Variants in FHIT observed in about 807,000 individuals in gnomAD.
FHIT encodes the protein fragile histidine triad diadenosine triphosphatase.
FHIT carries 19 observed loss-of-function variants against 17.9 expected under a neutral mutation model. That is an observed-to-expected ratio of 1.06 (90% CI 0.74 to 1.56). The LOEUF is 1.56. FHIT is among the 40% of genes most tolerant of loss of function. The pLI, the probability that FHIT is intolerant of heterozygous loss-of-function variation, is 0.00. For missense variants in FHIT, 248 were observed against 189.2 expected (o/e 1.31, Z -1.82); for synonymous variants, 81 against 69.7 (o/e 1.16, Z -0.81).
At chr3:60,494,305 A>G (rs2034198666) in intron 5 of FHIT, among the ~76,000 whole-genome samples, 1 of 152,176 alleles carries the variant, frequency 6.6e-6, no homozygotes, top group Non-Finnish European at 1.5e-5. Context: ...ATCACATAAT[A>G]TGCGACTTTT....
chr3:60,454,675 C>T (rs919488519), intron 5 of FHIT, among the ~76,000 whole-genome samples: 4 of 152,124 alleles, frequency 2.6e-5, no homozygotes, highest in Admixed American at 6.5e-5. Flanking sequence ...TGAGCCACCA[C>T]GCTCAGCCTT....
At chr3:60,569,079 G>A (rs890527117) in intron 4 of FHIT, among the ~76,000 whole-genome samples, 8 of 151,136 alleles carry the variant, frequency 5.3e-5, no homozygotes, top group African/African-American at 1.5e-4. Flanking sequence ...GCCTGTCTGT[G>A]GCTGAAACCC....
At chr3:60,328,000 G>A (rs1709781947) in intron 5 of FHIT, among the ~76,000 whole-genome samples, 2 of 152,170 alleles carry the variant, frequency 1.3e-5, no homozygotes, top group Admixed American at 1.3e-4. Flanking sequence ...AAAACATGGA[G>A]GAAGGACTAT....
intron 4 of FHIT, among the ~76,000 whole-genome samples, chr3:60,649,319 G>C (rs541552264): frequency 3.4e-4 from 52 of 152,246 alleles, no homozygotes; most frequent in Admixed American, 2.2e-3. Context: ...AGGCTGAGGC[G>C]TTAACCTGGG....
intron 3 of FHIT, among the ~76,000 whole-genome samples, chr3:60,831,793 G>A (rs1702339014): frequency 6.6e-6 from 1 of 152,028 alleles, no homozygotes; most frequent in Non-Finnish European, 1.5e-5. Context: ...ATTCAAACAC[G>A]ATTTTTTTGG....
chr3:60,234,417 T>A (rs1704662135), intron 5 of FHIT, among the ~76,000 whole-genome samples: 1 of 152,200 alleles, frequency 6.6e-6, no homozygotes, highest in Non-Finnish European at 1.5e-5. Flanking sequence ...ATTCAATATA[T>A]CCATACACAA....
At chr3:60,800,486 C>G (rs998389385) in intron 4 of FHIT, among the ~76,000 whole-genome samples, 1 of 152,086 alleles carries the variant, frequency 6.6e-6, no homozygotes, top group Non-Finnish European at 1.5e-5. Flanking sequence ...GAAAGCAGAC[C>G]CTAAACAAAG....
At chr3:61,100,883 C>A (rs1006436249) in intron 2 of FHIT, among the ~76,000 whole-genome samples, 6 of 152,298 alleles carry the variant, frequency 3.9e-5, no homozygotes, top group East Asian at 1.9e-4. Context: ...TGTTCATATC[C>A]TTTGCCCACT....
At chr3:61,238,642 T>C (rs2040291612) in intron 1 of FHIT, among the ~76,000 whole-genome samples, 1 of 152,250 alleles carries the variant, frequency 6.6e-6, no homozygotes, top group Admixed American at 6.5e-5. Flanking sequence ...ATTTTTCCTC[T>C]TTACAGCCAG....
At chr3:61,173,730 G>T (rs1280933222) in intron 2 of FHIT, among the ~76,000 whole-genome samples, 1 of 152,166 alleles carries the variant, frequency 6.6e-6, no homozygotes, top group East Asian at 1.9e-4. Flanking sequence ...ACTTAAAAGT[G>T]ACTCTTCTAG....
chr3:60,163,755 T>C (rs975990247), intron 5 of FHIT, among the ~76,000 whole-genome samples: 1 of 152,204 alleles, frequency 6.6e-6, no homozygotes, highest in Non-Finnish European at 1.5e-5. Flanking sequence ...CAGCATTCAC[T>C]AGATGCTGGT....
chr3:60,449,181 C>G (rs2107360557), intron 5 of FHIT, among the ~76,000 whole-genome samples: 1 of 152,242 alleles, frequency 6.6e-6, no homozygotes, highest in South Asian at 2.1e-4. Flanking sequence ...CTAGGTACTT[C>G]AAGCTGCAAA....
intron 3 of FHIT, among the ~76,000 whole-genome samples, chr3:60,999,636 T>A (rs958858093): frequency 8.1e-4 from 123 of 151,808 alleles, no homozygotes; most frequent in South Asian, 4.2e-4. Context: ...AGATTCCTCA[T>A]GCATTTAGCT....
intron 3 of FHIT, among the ~76,000 whole-genome samples, chr3:60,987,794 T>G (rs1459787719): frequency 6.6e-6 from 1 of 152,132 alleles, no homozygotes; most frequent in Non-Finnish European, 1.5e-5. Flanking sequence ...TTCTAGGAGG[T>G]ATGATTCTTT....
intron 4 of FHIT, among the ~76,000 whole-genome samples, chr3:60,715,629 G>C (rs530894248): frequency 8.5e-6 from 1 of 117,174 alleles, no homozygotes; most frequent in African/African-American, 3.3e-5. Flanking sequence ...TGTGGGGTGG[G>C]GGGAGGGGGG....
At chr3:60,347,680 G>GA (rs1231372630) in intron 5 of FHIT, among the ~76,000 whole-genome samples, 1 of 144,946 alleles carries the variant, frequency 6.9e-6, no homozygotes, top group African/African-American at 2.5e-5. Flanking sequence ...TGGTTTGGGG[G>GA]GGGGGGGGGT....
chr3:59,869,999 T>G (rs1702847310), intron 8 of FHIT, among the ~76,000 whole-genome samples: 1 of 152,180 alleles, frequency 6.6e-6, no homozygotes, highest in South Asian at 2.1e-4. Context: ...TGGCATCAGC[T>G]ATATTATCAT....
chr3:60,002,906 A>G (rs1018266020), intron 7 of FHIT, among the ~76,000 whole-genome samples: 2 of 152,214 alleles, frequency 1.3e-5, no homozygotes, highest in African/African-American at 4.8e-5. Context: ...TGCAGTTGAT[A>G]TTCTGGGTAA....
At chr3:60,578,832 G>A (rs1303535291) in intron 4 of FHIT, among the ~76,000 whole-genome samples, 4 of 152,012 alleles carry the variant, frequency 2.6e-5, no homozygotes, top group African/African-American at 9.7e-5. Flanking sequence ...ATTTATATAG[G>A]TACATTTCCC....
Sources: allele counts gnomAD v4.1 joint callset (sites outside exome capture counted in the v4.1 genomes callset), GRCh38; gene constraint gnomAD v4.1.1; transcripts MANE v1.5; gene names NCBI Gene and HGNC (gene_info 2026-07-23, HGNC 2026-07-21).